YY1AP1: variants seen among roughly 807,000 people sequenced by gnomAD.
YY1AP1 encodes YY1 associated protein 1.
A neutral mutation model predicts 39.9 loss-of-function variants in YY1AP1; 43 were observed. The observed-to-expected ratio is 1.08, with a 90% CI of 0.84 to 1.39. YY1AP1 has a LOEUF of 1.39. Among genes scored for constraint, YY1AP1 ranks in the 40% most tolerant of loss-of-function variants. The probability of loss-of-function intolerance (pLI) is 0.00; values close to 1 mark genes in which losing one functional copy is unlikely to be tolerated. For synonymous variants in YY1AP1, 292 were observed against 331.3 expected (o/e 0.88, Z 1.29); for missense variants, 813 against 900.7 (o/e 0.90, Z 1.25).
At chr1:155,666,868 C>T (rs1191470965) in intron 9 of YY1AP1, among the ~76,000 whole-genome samples, 3 of 151,990 alleles carry the variant, frequency 2.0e-5, no homozygotes, top group East Asian at 1.9e-4. Flanking sequence ...GGTGTGGTGG[C>T]GCATGCCTGT....
At chr1:155,685,504 A>G (rs1652086126) in intron 2 of YY1AP1, among the ~76,000 whole-genome samples, 1 of 152,244 alleles carries the variant, frequency 6.6e-6, no homozygotes, top group Admixed American at 6.5e-5. Flanking sequence ...AGAGTTTGAG[A>G]ACAAAAAGAT....
At chr1:155,685,689 C>G (rs1652115414) in intron 2 of YY1AP1, among the ~76,000 whole-genome samples, 1 of 152,194 alleles carries the variant, frequency 6.6e-6, no homozygotes, top group South Asian at 2.1e-4. Flanking sequence ...ACCTTAAACT[C>G]ATACTAACAT....
chr1:155,671,258 C>T (rs1307276011), intron 7 of YY1AP1, among the ~76,000 whole-genome samples: 1 of 151,754 alleles, frequency 6.6e-6, no homozygotes, highest in Admixed American at 6.6e-5. Flanking sequence ...TAGTGAAACC[C>T]CATCTCTACC....
Position 155,659,647 on chromosome 1 carries a change from T to C in YY1AP1, c.*10A>G, listed in dbSNP as rs769136644. On this transcript the variant is annotated 3_prime_UTR_variant, in exon 11 of 11. Coordinates refer to ENST00000355499, the MANE Select transcript of YY1AP1 (RefSeq NM_139119.3). ...AAGGCTCCCAGTCTCCAGACTCTTA[T>C]TCTCCTAGCTCAAAGAAATCCACTG... 3.7e-6 allele frequency: 6 copies of C among 1,613,888 alleles called. No homozygotes were observed. Among genetic ancestry groups the C allele is most frequent in the South Asian group, 3.3e-5 (3 of 91,084 alleles).
chr1:155,674,025 G>C (rs965739216), intron 6 of YY1AP1, among the ~76,000 whole-genome samples: 6 of 151,770 alleles, frequency 4.0e-5, no homozygotes, highest in Non-Finnish European at 7.4e-5. Flanking sequence ...GCCGGGCATA[G>C]TGGCGGGTGC....
At chr1:155,678,296 T>C (rs1651019787) in intron 4 of YY1AP1, among the ~76,000 whole-genome samples, 1 of 152,226 alleles carries the variant, frequency 6.6e-6, no homozygotes, top group South Asian at 2.1e-4. Context: ...AATCGTTTAA[T>C]GATAGATTTC....
intron 2 of YY1AP1, among the ~76,000 whole-genome samples, chr1:155,684,570 C>CTT (rs539654881): frequency 3.1e-4 from 42 of 137,186 alleles, no homozygotes; most frequent in East Asian, 8.4e-4. Context: ...ACATTTCTTG[C>CTT]TTTTTTTTTT....
chr1:155,677,315 C>T (rs72999024), intron 4 of YY1AP1, among the ~76,000 whole-genome samples: 244 of 152,264 alleles, frequency 1.6e-3, no homozygotes, highest in African/African-American at 5.7e-3. Flanking sequence ...CTTCTTTTAG[C>T]CCTTTAAATT....
At chr1:155,665,120 G>A (rs1648765130) in intron 9 of YY1AP1, among the ~76,000 whole-genome samples, 1 of 151,888 alleles carries the variant, frequency 6.6e-6, no homozygotes, top group Non-Finnish European at 1.5e-5. Flanking sequence ...TCTCCCTCAG[G>A]ATGCTACTGG....
rs1558324267 is a variant in YY1AP1, at chr1:155,688,611, C to A, written c.-152+48G>T. On this transcript the variant is annotated intron_variant, in intron 1 of 10. Transcript: ENST00000355499. ...AACCTCCTCGCCCAGTTCTCCACTC[C>A]CCCTCAGACCCTGTCAAGCCGGCTC... 5 of 1,534,880 alleles carry A rather than the reference C, an allele frequency of 3.3e-6. No homozygotes were observed. The African/African-American group carries it at 4.1e-5, about 13-fold the overall frequency.
intron 3 of YY1AP1, chr1:155,679,728 G>C: frequency 1.0e-6 from 1 of 984,934 alleles, no homozygotes; most frequent in Non-Finnish European, 1.2e-6. Flanking sequence ...CAGTCAACTT[G>C]TATCAGTAAG....
intron 9 of YY1AP1, among the ~76,000 whole-genome samples, chr1:155,668,008 G>C (rs1398053953): frequency 6.6e-6 from 1 of 151,312 alleles, no homozygotes; most frequent in African/African-American, 2.4e-5. Flanking sequence ...ACAAAATTGA[G>C]AAAAAGTATA....
chr1:155,659,934 A>C lies in YY1AP1; in HGVS notation c.1976T>G (p.Leu659Ter), dbSNP rs1057519597. The change falls in exon 11 of 11, where the codon TTA becomes TGA. Residue 659 changes from leucine (L) to a stop codon, truncating the protein, a stop_gained. Transcript: ENST00000355499. LOFTEE classifies it low-confidence loss of function (END_TRUNC). ...ENAFQGLEPK[L>*]EPQELSPLSA... ...GAGAGGAGATAGTTCCTGGGGCTCT[A>C]ATTTGGGTTCTAGGCCCTGAAAGGC... The C allele has an allele frequency of 6.2e-7, 1 of 1,614,026 alleles. No individual in the cohort carries two copies. Among genetic ancestry groups the C allele is most frequent in the African/African-American group, 1.3e-5 (1 of 74,906 alleles).
chr1:155,666,266 C>T (rs924952625), intron 9 of YY1AP1, among the ~76,000 whole-genome samples: 1 of 152,036 alleles, frequency 6.6e-6, no homozygotes, highest in African/African-American at 2.4e-5. Context: ...GGACTACAGG[C>T]GCCCGCCACC....
rs1204262406 is a variant in YY1AP1 at position 155,661,301 on chromosome 1, C to G, written c.996+6G>C. ...CTCCTACAGACTTCGAGGAAGAGGG[C>G]TGTACCTTTAACCAGAATGGGAGCC... On this transcript the variant is annotated splice_donor_region_variant and intron_variant, in intron 10 of 10. Coordinates refer to ENST00000355499, the MANE Select transcript of YY1AP1 (RefSeq NM_139119.3). 6.2e-7 allele frequency: 1 copy of G among 1,613,944 alleles called. No homozygotes were observed. The highest frequency in any genetic ancestry group is 8.5e-7 in the Non-Finnish European group (1 of 1,179,866).
chr1:155,670,873 A>G (rs1571334689), intron 7 of YY1AP1: 1 of 213,926 alleles, frequency 4.7e-6, no homozygotes, highest in Non-Finnish European at 9.5e-6. Context: ...ACGGGGTTTC[A>G]CTGTAGACAG....
intron 2 of YY1AP1, among the ~76,000 whole-genome samples, chr1:155,681,835 A>G (rs1651565305): frequency 6.8e-6 from 1 of 146,562 alleles, no homozygotes; most frequent in South Asian, 2.1e-4. Flanking sequence ...AAAGTTCTAC[A>G]TTGAGGATTT....
rs1463551486 is a variant in YY1AP1, at chr1:155,659,576, T to A, written c.*81A>T. ...TGGGGTTTAAGTACCCTTTAGGGGT[T>A]TCCTATTGGTTACACCCTATGCGCC... On this transcript the variant is annotated 3_prime_UTR_variant, in exon 11 of 11. Transcript: ENST00000355499. The A allele has an allele frequency of 2.7e-6, 4 of 1,506,600 alleles. No homozygotes were observed. In the East Asian group the frequency reaches 9.0e-5, roughly 34 times the overall value. 93.3% of individuals were successfully genotyped at this position (1,506,600 alleles called of 1,614,324 possible). A position where few individuals can be genotyped will look rare whatever the true frequency, so the allele number is the denominator to read the frequency against.
intron 1 of YY1AP1, 46 bp downstream of exon 1, chr1:155,688,613 C>G (rs1435805521): frequency 2.0e-6 from 3 of 1,535,070 alleles, no homozygotes; most frequent in South Asian, 1.2e-5. Context: ...CTCCACTCCC[C>G]CTCAGACCCT....
Sources: allele counts gnomAD v4.1 joint callset (sites outside exome capture counted in the v4.1 genomes callset), GRCh38; gene constraint gnomAD v4.1.1; transcripts MANE v1.5; gene names NCBI Gene and HGNC (gene_info 2026-07-23, HGNC 2026-07-21).